The following HIVEP3 variants were observed in gnomAD, a reference collection of about 807,000 sequenced individuals.
HIVEP3 encodes transcription factor HIVEP3.
In HIVEP3, 49 loss-of-function variants were observed where a neutral mutation model predicts 152.8. The observed-to-expected ratio is 0.32, with a 90% CI of 0.26 to 0.41. The LOEUF (loss-of-function observed/expected upper bound fraction) is 0.41, where lower values mean the gene tolerates loss of function less well. HIVEP3 is among the 10% of genes least tolerant of loss of function. The probability of loss-of-function intolerance (pLI) is 1.00; values close to 1 mark genes in which losing one functional copy is unlikely to be tolerated. For synonymous variants in HIVEP3, 1,269 were observed against 1,289.0 expected (o/e 0.98, Z 0.33); for missense variants, 2,790 against 3,103.3 (o/e 0.90, Z 2.40).
upstream of HIVEP3, among the ~76,000 whole-genome samples, chr1:41,922,219 C>T (rs1185549550): frequency 1.3e-5 from 2 of 152,192 alleles, no homozygotes; most frequent in African/African-American, 4.8e-5. Flanking sequence ...CAAACAATGA[C>T]AAGCTTCCTC....
At chr1:41,890,861 C>T (rs911400473) in intron 1 of HIVEP3, among the ~76,000 whole-genome samples, 8 of 152,316 alleles carry the variant, frequency 5.3e-5, no homozygotes, top group African/African-American at 1.7e-4. Context: ...ACATTGTCAA[C>T]GCTCCACTCA....
chr1:41,804,353 C>T (rs1650478628), intron 1 of HIVEP3, among the ~76,000 whole-genome samples: 1 of 152,190 alleles, frequency 6.6e-6, no homozygotes, highest in Non-Finnish European at 1.5e-5. Flanking sequence ...AAGCTAAAAG[C>T]CCGCCCTCTG....
rs1004893184 is a variant in HIVEP3 at position 41,591,692 on chromosome 1, T to C, written c.-521-6374A>G. 3.9e-5 allele frequency among the ~76,000 whole-genome samples: 6 copies of C among 152,088 alleles called. No homozygotes were observed. The East Asian group carries it at 5.8e-4, about 15-fold the overall frequency. ...GTACTTCTTGGTCACTGGATTTTCA[T>C]GAGATAATGACCATTCAGTGAGGAC... On this transcript the variant is annotated intron_variant, in intron 3 of 8. Coordinates refer to ENST00000372583, the MANE Select transcript of HIVEP3 (RefSeq NM_024503.5).
At chr1:41,562,520 C>CTCCCT (rs1224635852) in intron 5 of HIVEP3, among the ~76,000 whole-genome samples, 3 of 144,866 alleles carry the variant, frequency 2.1e-5, no homozygotes, top group Non-Finnish European at 4.5e-5. Context: ...TTTCTCCTTC[C>CTCCCT]TCCCTTCCCT....
chr1:41,610,500 G>A (rs570115943), intron 3 of HIVEP3, among the ~76,000 whole-genome samples: 1 of 152,300 alleles, frequency 6.6e-6, no homozygotes, highest in South Asian at 2.1e-4. Flanking sequence ...TGGTGGGAGG[G>A]GCATTCCCAT....
rs575507294 is a variant in HIVEP3, at chr1:41,925,196, TGCAAAGCC to T, written n.120-6680_120-6673del. ...TGTATGACAGAGACTATACGTGGCT[TGCAAAGCC>T]TAAAATACAACTGACCCTGAACAAC... On this transcript the variant is annotated intron_variant and non_coding_transcript_variant, in intron 1 of 3. Transcript: ENST00000489103. 1.3e-4 allele frequency among the ~76,000 whole-genome samples: 20 copies of T among 152,316 alleles called. No homozygotes were observed. In the East Asian group the frequency reaches 3.9e-3, roughly 29 times the overall value.
intron 1 of HIVEP3, among the ~76,000 whole-genome samples, chr1:41,853,812 C>T (rs1054443035): frequency 3.9e-5 from 6 of 152,108 alleles, no homozygotes; most frequent in African/African-American, 9.7e-5. Flanking sequence ...CTCACCAAGG[C>T]GAACCTGCCA....
chr1:42,020,263 G>A (rs992623561), intron 1 of HIVEP3, among the ~76,000 whole-genome samples: 2 of 151,936 alleles, frequency 1.3e-5, no homozygotes, highest in East Asian at 1.9e-4. Flanking sequence ...GAGTATGTAA[G>A]ATTGATGTTA....
chr1:41,863,517 G>A (rs909049072), intron 1 of HIVEP3, among the ~76,000 whole-genome samples: 35 of 152,188 alleles, frequency 2.3e-4, no homozygotes, highest in African/African-American at 8.4e-4. Flanking sequence ...GTGGGGACCA[G>A]ACCTTCAGAG....
At chr1:41,831,820 G>A (rs943680897) in intron 1 of HIVEP3, among the ~76,000 whole-genome samples, 6 of 152,162 alleles carry the variant, frequency 3.9e-5, no homozygotes, top group African/African-American at 1.4e-4. Flanking sequence ...AGGAATGCTG[G>A]CTCTTAACAT....
chr1:41,851,142 G>A (rs1358422505), intron 1 of HIVEP3, among the ~76,000 whole-genome samples: 3 of 152,108 alleles, frequency 2.0e-5, no homozygotes, highest in Non-Finnish European at 2.9e-5. Context: ...TGTGAGCTTC[G>A]AGAGGGCAGG....
chr1:41,528,244 TCACCCTCACACCCCTC>T (rs1558031229), intron 5 of HIVEP3, among the ~76,000 whole-genome samples: 2 of 34,132 alleles, frequency 5.9e-5, no homozygotes, highest in Admixed American at 7.2e-4. Flanking sequence ...CCTCACACAC[TCACCCTCACACCCCTC>T]CACCCTCACA....
intron 1 of HIVEP3, among the ~76,000 whole-genome samples, chr1:41,973,263 G>A (rs747257616): frequency 1.5e-4 from 23 of 152,242 alleles, no homozygotes; most frequent in Non-Finnish European, 2.4e-4. Context: ...AGCCAGGCAT[G>A]GCTTAGCTGG....
At chr1:41,749,616 C>A (rs770924593) in intron 1 of HIVEP3, among the ~76,000 whole-genome samples, 1 of 152,176 alleles carries the variant, frequency 6.6e-6, no homozygotes, top group South Asian at 2.1e-4. Flanking sequence ...TGCTCTCTGG[C>A]GCGAAATCCT....
chr1:41,552,076 ATTGTGTCT>A (rs1206960928), intron 5 of HIVEP3, among the ~76,000 whole-genome samples: 10 of 152,272 alleles, frequency 6.6e-5, no homozygotes, highest in Admixed American at 1.3e-4. Flanking sequence ...GTCCTGGTAC[ATTGTGTCT>A]TTGTTCTCAT....
chr1:41,787,816 T>C (rs1342257357), intron 1 of HIVEP3, among the ~76,000 whole-genome samples: 1 of 151,900 alleles, frequency 6.6e-6, no homozygotes, highest in Admixed American at 6.6e-5. Context: ...ATTACAGGCG[T>C]AAGCCTCTGC....
In HIVEP3 at chr1:41,662,672, G is replaced by A. The variant is rs888166402; in HGVS notation, c.-720-33725C>T. Among the ~76,000 whole-genome samples, 5 of 151,632 alleles carry A rather than the reference G, an allele frequency of 3.3e-5. No individual in the cohort carries two copies. The highest frequency in any genetic ancestry group is 5.9e-5 in the Non-Finnish European group (4 of 67,824). The stretch of plus-strand genomic sequence containing the variant: ...GGAGGGTCTGCGCGCCGGCCTCCTC[G>A]GTGACAGGCCGTGTCACTCCGGGCG... On this transcript the variant is annotated intron_variant, in intron 2 of 8. Transcript: ENST00000372583. This position sits in a 1 kb window ranked among gnomAD's most constrained non-coding sequence, Gnocchi z 7.2.
intron 1 of HIVEP3, among the ~76,000 whole-genome samples, chr1:41,944,293 CAATT>C (rs1457622502): frequency 2.0e-5 from 3 of 152,116 alleles, no homozygotes; most frequent in Non-Finnish European, 2.9e-5. Context: ...TATTTTGTCA[CAATT>C]AAAAACAATT....
chr1:41,658,675 G>A (rs941683449), intron 2 of HIVEP3, among the ~76,000 whole-genome samples: 2 of 152,140 alleles, frequency 1.3e-5, no homozygotes, highest in Non-Finnish European at 2.9e-5. Flanking sequence ...GTGAGCCTGC[G>A]GCAGTGTGTG....
Sources: allele counts gnomAD v4.1 joint callset (sites outside exome capture counted in the v4.1 genomes callset), GRCh38; gene constraint gnomAD v4.1.1; non-coding constraint Gnocchi (gnomAD v3.1); transcripts MANE v1.5; gene names NCBI Gene and HGNC (gene_info 2026-07-23, HGNC 2026-07-21).